The following POLR3A variants were observed in gnomAD, a reference collection of about 807,000 sequenced individuals.
POLR3A encodes RNA polymerase III subunit A, also known as DNA-directed RNA polymerase III subunit RPC1.
In POLR3A, 112 loss-of-function variants were observed where a neutral mutation model predicts 152.8. The observed-to-expected ratio is 0.73, with a 90% CI of 0.63 to 0.86. POLR3A has a LOEUF of 0.86. POLR3A is among the 40% of genes least tolerant of loss of function. POLR3A has a pLI of 0.00. For synonymous variants in POLR3A, 615 were observed against 652.1 expected, an observed-to-expected ratio of 0.94 and a Z score of 0.87; for missense variants, 1,385 against 1,743.1, an observed-to-expected ratio of 0.79 and a Z score of 3.66.
At chr10:77,988,863 C>T (rs1661176831) in intron 21 of POLR3A, among the ~76,000 whole-genome samples, 1 of 152,230 alleles carries the variant, frequency 6.6e-6, no homozygotes. Flanking sequence ...TAAAAGCTGC[C>T]TTACCTGTTG....
rs941777280 is a variant in POLR3A at position 78,019,533 on chromosome 10, C to T, written c.1186-268G>A. The T allele has an allele frequency of 2.3e-5, 12 of 515,512 alleles. No homozygotes were observed. The East Asian group carries it at 2.5e-4, about 11-fold the overall frequency. The allele number at this position is 515,512 out of a possible 1,614,324, so 31.9% of individuals were successfully genotyped here. A position where few individuals can be genotyped will look rare whatever the true frequency, so the allele number is the denominator to read the frequency against. ...GTGCTTGGTTTCCTCACTGGTAAAA[C>T]GGGTAGGCTAGACTGATCTATAGGA... On this transcript the variant is annotated intron_variant, in intron 8 of 30. Transcript: ENST00000372371.
intron 21 of POLR3A, among the ~76,000 whole-genome samples, chr10:77,987,811 C>A (rs1338450074): frequency 6.6e-6 from 1 of 152,168 alleles, no homozygotes; most frequent in East Asian, 1.9e-4. Context: ...GGTCTTATGC[C>A]TTTCCCAGCC....
Position 78,024,689 on chromosome 10 carries a change from A to T in POLR3A, c.505T>A (p.Cys169Ser). ...CGAFNGTVKK[C>S]GLLKIIHEKY... ...TCATGAATTATTTTCAGCAGTCCAC[A>T]CTTCTTTACGGTACCTATAAGGGTT... The change falls in exon 5 of 31, where the codon TGT becomes AGT. Residue 169 changes from cysteine (C) to serine (S), a missense_variant. Cys to Ser is a moderately radical substitution (Grantham distance 112). Coordinates refer to ENST00000372371, the MANE Select transcript of POLR3A (RefSeq NM_007055.4). The T allele has an allele frequency of 1.9e-6, 3 of 1,613,582 alleles. No individual in the cohort carries two copies. Among genetic ancestry groups the T allele is most frequent in the Non-Finnish European group, 1.7e-6 (2 of 1,179,518 alleles).
chr10:78,004,817 A>T lies in POLR3A; in HGVS notation c.2146T>A (p.Leu716Met). 6.2e-7 allele frequency: 1 copy of T among 1,614,018 alleles called. No homozygotes were observed. ...CATTTCTTGTAGCCGGCATTCAGCA[A>T]CTCATACTTGGCCTTCAGCAGTCCT... Reference protein sequence around the residue: ...GQGLLKAKYELLNAGYKKCDE... With the variant: ...GQGLLKAKYEMLNAGYKKCDE... The change falls in exon 16 of 31, where the codon TTG becomes ATG. Residue 716 changes from leucine (L) to methionine (M), a missense_variant. This residue lies in a region of POLR3A where 170 missense variants were observed against 231.2 expected (regional missense o/e 0.74). Transcript: ENST00000372371.
In POLR3A at chr10:78,022,195, G is replaced by C. The variant is rs969594136; in HGVS notation, c.835C>G (p.Leu279Val). The C allele has an allele frequency of 2.9e-5, 47 of 1,614,000 alleles. No homozygotes were observed. Among genetic ancestry groups the C allele is most frequent in the Non-Finnish European group, 3.6e-5 (43 of 1,179,972 alleles). Residue 279 changes from leucine to valine, a missense_variant, in exon 6 of 31, where the codon CTG becomes GTG. Leu to Val is a conservative substitution (Grantham distance 32). Transcript: ENST00000372371. ...DLKSGTNEDD[L>V]TMKLTEIIFL... ...ATGATTTCTGTCAGTTTCATTGTCA[G>C]ATCATCTTCATTGGTGCCAGACTTC...
intron 24 of POLR3A, 94 bp downstream of exon 24, chr10:77,985,076 A>C: frequency 9.5e-7 from 1 of 1,052,938 alleles, no homozygotes; most frequent in South Asian, 1.3e-5. Context: ...CAGTCCTATG[A>C]GGATATCACA....
chr10:78,009,329 T>C (rs1564619931), intron 14 of POLR3A, among the ~76,000 whole-genome samples: 1 of 152,298 alleles, frequency 6.6e-6, no homozygotes, highest in Non-Finnish European at 1.5e-5. Context: ...GTCATGTGTC[T>C]ACATGATCTC....
chr10:78,022,059 T>C (rs772427187), intron 6 of POLR3A, 37 bp from the exon 7 acceptor site: 1 of 1,614,194 alleles, frequency 6.2e-7, no homozygotes, highest in Admixed American at 1.7e-5. Context: ...ACAAACCTGG[T>C]CAGTTTGATT....
intron 11 of POLR3A, 117 bp from the exon 12 acceptor site, chr10:78,010,657 G>A (rs1041921409): frequency 1.3e-6 from 1 of 780,844 alleles, no homozygotes; most frequent in Non-Finnish European, 2.3e-6. Flanking sequence ...AGAAGGACGA[G>A]GCTGAGAAAT....
At chr10:78,011,763 C>CT (rs1248562367) in intron 11 of POLR3A, among the ~76,000 whole-genome samples, 3 of 152,120 alleles carry the variant, frequency 2.0e-5, no homozygotes, top group Non-Finnish European at 4.4e-5. Flanking sequence ...AATTAGAGCC[C>CT]TATGCACTAC....
In POLR3A at chr10:78,007,570, T is replaced by C. The variant is rs868764786; in HGVS notation, c.2074+132A>G. On this transcript the variant is annotated intron_variant, in intron 15 of 30. Coordinates refer to ENST00000372371, the MANE Select transcript of POLR3A (RefSeq NM_007055.4). Reference sequence around the variant, plus strand: ...TAATAACAGCACACATGATTTAGCCTGGAATGAGTATCTTTTTCTGTATGT... The same window carrying C: ...TAATAACAGCACACATGATTTAGCCCGGAATGAGTATCTTTTTCTGTATGT... 13 of 753,290 alleles carry C rather than the reference T, an allele frequency of 1.7e-5. No homozygotes were observed. In the African/African-American group the frequency reaches 1.9e-4, roughly 11 times the overall value. 46.7% of individuals were successfully genotyped at this position (753,290 alleles called of 1,614,324 possible).
In POLR3A at chr10:77,985,936, T is replaced by G; in HGVS notation, c.3038A>C (p.Lys1013Thr). The G allele has an allele frequency of 6.2e-7, 1 of 1,614,032 alleles. No individual in the cohort carries two copies. Among genetic ancestry groups the G allele is most frequent in the Non-Finnish European group, 8.5e-7 (1 of 1,180,004 alleles). Residue 1013 changes from lysine to threonine, a missense_variant, in exon 23 of 31, where the codon AAG (lysine) becomes ACG (threonine). Transcript: ENST00000372371. ...CTTGTCCCTACAGGTCTCCAGAAAC[T>G]TTTCTACTTGGGTGGGGGTGATGCG... ...LDRITPTQVE[K>T]FLETCRDKYM...
chr10:78,017,832 C>T (rs1044626804), intron 9 of POLR3A, 116 bp from the exon 10 acceptor site: 2 of 1,164,964 alleles, frequency 1.7e-6, no homozygotes, highest in African/African-American at 3.0e-5. Flanking sequence ...TAAGATGCCT[C>T]CATTTTAATG....
intron 17 of POLR3A, 54 bp downstream of exon 17, chr10:78,002,143 A>G (rs1052887147): frequency 3.7e-6 from 4 of 1,094,754 alleles, no homozygotes; most frequent in Admixed American, 4.3e-5. Context: ...TTCTGGAGCC[A>G]AACAGCCTGT....
At chr10:78,001,435 G>T (rs72642273) in intron 17 of POLR3A, among the ~76,000 whole-genome samples, 1 of 152,042 alleles carries the variant, frequency 6.6e-6, no homozygotes, top group African/African-American at 2.4e-5. Flanking sequence ...TCCAAAGTGG[G>T]TGGGAAAGTA....
At chr10:77,996,895 T>A (rs901229002) in intron 19 of POLR3A, among the ~76,000 whole-genome samples, 5 of 152,108 alleles carry the variant, frequency 3.3e-5, no homozygotes, top group African/African-American at 9.7e-5. Flanking sequence ...TTGATGAACA[T>A]CGATGCAAAA....
chr10:77,988,438 C>T (rs1472345839), intron 21 of POLR3A, among the ~76,000 whole-genome samples: 2 of 152,022 alleles, frequency 1.3e-5, no homozygotes, highest in East Asian at 3.9e-4. Context: ...AGGAGAATCA[C>T]TTGAACCCAG....
intron 1 of POLR3A, among the ~76,000 whole-genome samples, chr10:78,028,475 C>T (rs564622076): frequency 1.3e-5 from 2 of 152,058 alleles, no homozygotes; most frequent in Admixed American, 1.3e-4. Context: ...GGGAATAACG[C>T]GCAGTATCCT....
intron 2 of POLR3A, 105 bp downstream of exon 2, chr10:78,025,989 G>A: frequency 1.4e-6 from 2 of 1,396,068 alleles, no homozygotes; most frequent in East Asian, 2.3e-5. Flanking sequence ...GTGCAGGGGG[G>A]AATTGAGGAG....
Sources: gnomAD v4.1 joint callset for allele counts (sites outside exome capture counted in the v4.1 genomes callset) on GRCh38, gnomAD v4.1.1 for gene constraint, gnomAD v4.1.1 regional missense constraint, MANE v1.5 for transcripts, NCBI Gene and HGNC (gene_info 2026-07-23, HGNC 2026-07-21) for gene names.